PDS5B: variants seen among roughly 807,000 people sequenced by gnomAD.
The protein encoded by PDS5B is PDS5 cohesin associated factor B.
PDS5B carries 51 observed loss-of-function variants against 184.1 expected under a neutral mutation model. The ratio of observed to expected loss-of-function variants is 0.28; its 90% CI spans 0.22 to 0.35. The LOEUF is 0.35. Ranked by LOEUF, PDS5B falls within the 10% of genes least tolerant of loss-of-function variation. The pLI, the probability that PDS5B is intolerant of heterozygous loss-of-function variation, is 1.00. For synonymous variants in PDS5B, 566 were observed against 569.2 expected (o/e 0.99, Z 0.08); for missense variants, 1,180 against 1,723.3 (o/e 0.68, Z 5.58).
In PDS5B at chr13:32,721,351, C is replaced by G. The variant is rs563416077; in HGVS notation, c.2124-10750C>G. ...ACGGGGCGGCTGCCGGGCGAGGGCT[C>G]CCCCCACCTCCCAGACGGGGTGGCT... On this transcript the variant is annotated intron_variant, in intron 19 of 34. Coordinates refer to ENST00000315596, the MANE Select transcript of PDS5B (RefSeq NM_015032.4). Among the ~76,000 whole-genome samples the G allele has an allele frequency of 7.3e-4, 111 of 151,240 alleles. 2 individuals are homozygous for G. Among genetic ancestry groups the G allele is most frequent in the African/African-American group, 2.5e-3 (103 of 41,130 alleles).
At chr13:32,769,411 A>G (rs1278542650) in intron 31 of PDS5B, among the ~76,000 whole-genome samples, 3 of 150,350 alleles carry the variant, frequency 2.0e-5, no homozygotes, top group African/African-American at 7.6e-5. Context: ...ATAAGTGTTC[A>G]TACATACAAT....
intron 10 of PDS5B, among the ~76,000 whole-genome samples, chr13:32,682,496 A>G (rs558542167): frequency 5.9e-5 from 9 of 152,150 alleles, no homozygotes; most frequent in Non-Finnish European, 1.3e-4. Flanking sequence ...ATTCCGTTGT[A>G]TGAATATACC....
chr13:32,697,431 C>T (rs1409653396), intron 15 of PDS5B, among the ~76,000 whole-genome samples: 5 of 152,122 alleles, frequency 3.3e-5, no homozygotes, highest in Non-Finnish European at 4.4e-5. Context: ...TAATCAGAAA[C>T]ACCTGGAGGA....
At chr13:32,745,928 G>A (rs1172208339) in intron 23 of PDS5B, 49 bp from the exon 24 acceptor site, 2 of 1,459,042 alleles carry the variant, frequency 1.4e-6, no homozygotes, top group South Asian at 1.2e-5. Context: ...AGAAGATTTT[G>A]TACAAATATT....
rs1566334927 is a variant in PDS5B, at chr13:32,692,415, C to CTTTTTTTTTT, written c.1470-1790_1470-1781dup. 7.4e-5 allele frequency among the ~76,000 whole-genome samples: 4 copies of CTTTTTTTTTT among 53,786 alleles called. 1 individual carries two copies. Among genetic ancestry groups the CTTTTTTTTTT allele is most frequent in the Non-Finnish European group, 6.6e-5 (2 of 30,186 alleles). 35.3% of individuals were successfully genotyped at this position (53,786 alleles called of 152,430 possible). On this transcript the variant is annotated intron_variant, in intron 13 of 34. Coordinates refer to ENST00000315596, the MANE Select transcript of PDS5B (RefSeq NM_015032.4). ...TTAAACAAGTTTGCGTCCAAAAAGC[C>CTTTTTTTTTT]TTTTTTTTTTTTTTTTTTTTTTTTT... is the stretch of plus-strand genomic sequence containing the variant.
intron 20 of PDS5B, among the ~76,000 whole-genome samples, chr13:32,733,995 C>CACACACACACAT (rs1186603207): frequency 8.6e-5 from 13 of 151,018 alleles, no homozygotes; most frequent in African/African-American, 2.7e-4. Context: ...AACACACACA[C>CACACACACACAT]ACACACACAC....
intron 12 of PDS5B, 94 bp downstream of exon 12, chr13:32,687,379 C>A: frequency 1.1e-6 from 1 of 930,022 alleles, no homozygotes; most frequent in Non-Finnish European, 1.6e-6. Context: ...TGACCTTACA[C>A]TCCTTCCTCA....
intron 3 of PDS5B, among the ~76,000 whole-genome samples, chr13:32,655,193 A>ATT (rs140159005): frequency 1.0e-4 from 15 of 145,420 alleles, no homozygotes; most frequent in Non-Finnish European, 1.5e-4. Flanking sequence ...AGCATCTGTC[A>ATT]TTTTTTTTTT....
At chr13:32,745,941 A>G in intron 23 of PDS5B, 36 bp from the exon 24 acceptor site, 2 of 1,529,704 alleles carry the variant, frequency 1.3e-6, no homozygotes, top group Non-Finnish European at 1.8e-6. Context: ...CAAATATTTT[A>G]AATGCTAATC....
intron 14 of PDS5B, among the ~76,000 whole-genome samples, chr13:32,696,358 G>A (rs1015447105): frequency 6.6e-6 from 1 of 152,030 alleles, no homozygotes; most frequent in African/African-American, 2.4e-5. Flanking sequence ...ATGGTATAAT[G>A]TAATGAATTA....
intron 11 of PDS5B, among the ~76,000 whole-genome samples, chr13:32,685,030 A>G (rs887659113): frequency 6.6e-6 from 1 of 152,120 alleles, no homozygotes; most frequent in Non-Finnish European, 1.5e-5. Flanking sequence ...GGAGAATGGC[A>G]TGAACCTGGG....
At chr13:32,706,279 AAAATAAATAAAT>A (rs60222106) in intron 17 of PDS5B, among the ~76,000 whole-genome samples, 3,684 of 144,960 alleles carry the variant, frequency 0.025, 97 homozygotes, top group Admixed American at 0.061. Flanking sequence ...CTTCGTCTCA[AAAATAAATAAAT>A]AAATAAATAA....
At chr13:32,726,609 C>G (rs939329498) in intron 19 of PDS5B, among the ~76,000 whole-genome samples, 6 of 152,228 alleles carry the variant, frequency 3.9e-5, no homozygotes, top group African/African-American at 1.4e-4. Flanking sequence ...TGAAATATGT[C>G]TCTTCCTAAC....
chr13:32,634,809 C>G (rs558211082), intron 1 of PDS5B, among the ~76,000 whole-genome samples: 39 of 152,260 alleles, frequency 2.6e-4, no homozygotes, highest in Non-Finnish European at 5.0e-4. Flanking sequence ...TCTCTAACTC[C>G]TGACCTTGTG....
chr13:32,591,697 ATTTC>A (rs1233299889), intron 1 of PDS5B, among the ~76,000 whole-genome samples: 2 of 152,122 alleles, frequency 1.3e-5, no homozygotes, highest in Non-Finnish European at 2.9e-5. Context: ...TTGGGTTTGT[ATTTC>A]TTTGTGAGTG....
At chr13:32,592,340 G>A (rs189182850) in intron 1 of PDS5B, among the ~76,000 whole-genome samples, 15 of 147,860 alleles carry the variant, frequency 1.0e-4, no homozygotes, top group South Asian at 8.6e-4. Flanking sequence ...CTGCAGCCTC[G>A]GCCTTGGCAG....
chr13:32,602,946 A>G (rs1158688533), intron 1 of PDS5B, among the ~76,000 whole-genome samples: 1 of 151,554 alleles, frequency 6.6e-6, no homozygotes, highest in Admixed American at 6.6e-5. Context: ...GGGTTGTTTG[A>G]TTTTTTCTTG....
Position 32,635,426 on chromosome 13 carries a change from C to T in PDS5B, c.-19-13328C>T, listed in dbSNP as rs184695031. On this transcript the variant is annotated intron_variant, in intron 1 of 34. Coordinates refer to ENST00000315596, the MANE Select transcript of PDS5B (RefSeq NM_015032.4). ...TGGCATGATCTTGGCTCACTACAAC[C>T]TCCGCCTCCCGGGTTCAAGTGATTC... Among the ~76,000 whole-genome samples, 910 of 149,110 alleles carry T rather than the reference C, an allele frequency of 6.1e-3. 8 individuals are homozygous for T. Among genetic ancestry groups the T allele is most frequent in the African/African-American group, 0.022 (871 of 40,434 alleles).
intron 1 of PDS5B, among the ~76,000 whole-genome samples, chr13:32,601,341 C>T (rs950799473): frequency 6.6e-6 from 1 of 152,314 alleles, no homozygotes; most frequent in Admixed American, 6.5e-5. Context: ...GCGTTAAACA[C>T]AGTTGCTAAC....
Sources: gnomAD v4.1 joint callset for allele counts (sites outside exome capture counted in the v4.1 genomes callset) on GRCh38, gnomAD v4.1.1 for gene constraint, MANE v1.5 for transcripts, NCBI Gene and HGNC (gene_info 2026-07-23, HGNC 2026-07-21) for gene names.